The following FCSK variants were observed in gnomAD, a reference collection of about 807,000 sequenced individuals.
FCSK encodes L-fucose kinase.
In FCSK, 123 loss-of-function variants were observed where a neutral mutation model predicts 122.5. The ratio of observed to expected loss-of-function variants is 1.00; its 90% CI spans 0.87 to 1.17. FCSK has a LOEUF of 1.17. FCSK is among the 50% of genes most tolerant of loss of function. FCSK has a pLI of 0.00. For synonymous variants in FCSK, 620 were observed against 625.5 expected (o/e 0.99, Z 0.13); for missense variants, 1,366 against 1,450.4 (o/e 0.94, Z 0.95).
At chr16:70,458,833 T>C (rs8062414) in intron 1 of FCSK, among the ~76,000 whole-genome samples, 17,583 of 152,162 alleles carry the variant, frequency 0.12, 3,390 homozygotes, top group African/African-American at 0.4. Flanking sequence ...ACATACTGAG[T>C]GCTTTACATA....
At chr16:70,471,438 TC>T in intron 13 of FCSK, 86 bp downstream of exon 13, 2 of 1,358,850 alleles carry the variant, frequency 1.5e-6, no homozygotes, top group Non-Finnish European at 2.0e-6. Flanking sequence ...ACTGCGGGGT[TC>T]TCTGAGCACT....
At position 70,472,549 on chromosome 16, in the gene FCSK, G is replaced by T; in HGVS notation, c.1350G>T (p.Gly450=). ...VGRLDSWERQ[G]AGTYLNVPWS... ...TTCTTCCTCTCCCCCAGAGACAGGGGGCAGGCACATATCTCAACGTGCCCT... is the reference window on the plus strand; with the variant it reads ...TTCTTCCTCTCCCCCAGAGACAGGGTGCAGGCACATATCTCAACGTGCCCT... The change falls in exon 14 of 24, where the codon GGG becomes GGT. Residue 450 remains glycine (G), a synonymous_variant. Transcript: ENST00000288078. 1 of 1,612,790 alleles carries T rather than the reference G, an allele frequency of 6.2e-7. No individual in the cohort carries two copies. Among genetic ancestry groups the T allele is most frequent in the East Asian group, 2.2e-5 (1 of 44,812 alleles).
In FCSK at chr16:70,474,198, G is replaced by C; in HGVS notation, c.1847G>C (p.Cys616Ser). Residue 616 changes from cysteine (C) to serine (S), a missense_variant, in exon 16 of 24, where the codon TGC (cysteine) becomes TCC (serine). Coordinates refer to ENST00000288078, the MANE Select transcript of FCSK (RefSeq NM_145059.3). The stretch of plus-strand genomic sequence containing the variant: ...GCCTGTGTGGCGGACGTCCTGGGCT[G>C]CATGGCAGAGGGCCGTGGGGGCTTG... The part of the protein sequence containing the change: ...ALACVADVLG[C>S]MAEGRGGLRS... The C allele has an allele frequency of 6.3e-7, 1 of 1,578,518 alleles. No individual in the cohort carries two copies. The highest frequency in any genetic ancestry group is 1.3e-5 in the African/African-American group (1 of 74,288).
At chr16:70,468,160 G>A (rs1272854408) in intron 8 of FCSK, among the ~76,000 whole-genome samples, 194 bp downstream of exon 8, 4 of 152,180 alleles carry the variant, frequency 2.6e-5, no homozygotes, top group African/African-American at 7.2e-5. Context: ...GGTGGCTAAC[G>A]CCTGTAATCC....
chr16:70,457,029 AATAG>A (rs1057222023), intron 1 of FCSK, among the ~76,000 whole-genome samples: 4 of 151,952 alleles, frequency 2.6e-5, no homozygotes, highest in African/African-American at 7.3e-5. Flanking sequence ...TAAAAAAAAA[AATAG>A]ATTAAGTAAC....
At chr16:70,455,625 C>T (rs1197638318) in intron 1 of FCSK, among the ~76,000 whole-genome samples, 6 of 150,770 alleles carry the variant, frequency 4.0e-5, no homozygotes, top group Non-Finnish European at 7.4e-5. Context: ...GGCGAGGTGG[C>T]TCACGCCTGT....
intron 8 of FCSK, 30 bp from the exon 9 acceptor site, chr16:70,468,819 C>T (rs1371432297): frequency 6.2e-7 from 1 of 1,613,566 alleles, no homozygotes. Flanking sequence ...CAGGGCCCTC[C>T]ATCTCTGATC....
chr16:70,469,313 C>T lies in FCSK; in HGVS notation c.945C>T (p.Pro315=), dbSNP rs1255339703. The change falls in exon 10 of 24, where the codon CCC becomes CCT. Residue 315 remains proline, a synonymous_variant. Transcript: ENST00000288078. ...TGTGGAGGGAGCTTCGCGATCAGCC[C>T]CTTACCATGGGTGGGTACTGCCTCT... ...AQLWRELRDQ[P]LTMAYVSSGS... 3 of 1,598,350 alleles carry T rather than the reference C, an allele frequency of 1.9e-6. No individual in the cohort carries two copies. Among genetic ancestry groups the T allele is most frequent in the Non-Finnish European group, 2.6e-6 (3 of 1,173,904 alleles).
intron 4 of FCSK, 110 bp from the exon 5 acceptor site, chr16:70,466,022 G>A: frequency 8.9e-7 from 1 of 1,124,552 alleles, no homozygotes; most frequent in South Asian, 1.5e-5. Flanking sequence ...AAAATATCAA[G>A]AGAACATTTT....
chr16:70,475,843 G>C, intron 20 of FCSK, 76 bp downstream of exon 20: 2 of 1,402,788 alleles, frequency 1.4e-6, no homozygotes, highest in Non-Finnish European at 1.9e-6. Flanking sequence ...GGGCTCCCCT[G>C]GATTTGCATG....
Position 70,473,348 on chromosome 16 carries a change from A to G in FCSK, c.1772A>G (p.Asp591Gly). The change falls in exon 15 of 24, where the codon GAC (aspartate) becomes GGC (glycine). Residue 591 changes from aspartate (D) to glycine (G), a missense_variant. Asp to Gly is a moderately conservative substitution (Grantham distance 94). Transcript: ENST00000288078. This position sits in a 1 kb window ranked among gnomAD's most constrained non-coding sequence, Gnocchi z 4.9. ...GCPGPLLATL[D>G]QVAAGAGDPG... ...CCCGGGCCCCTGCTGGCCACGCTGG[A>G]CCAGGGTGAGTGTGCAGGCTGGTAG... The G allele has an allele frequency of 6.7e-7, 1 of 1,500,116 alleles. No homozygotes were observed. The highest frequency in any genetic ancestry group is 8.9e-7 in the Non-Finnish European group (1 of 1,120,148). The allele number at this position is 1,500,116 out of a possible 1,614,324, so 92.9% of individuals were successfully genotyped here.
At position 70,469,172 on chromosome 16, in the gene FCSK, T is replaced by A. The variant is rs78440411; in HGVS notation, c.804T>A (p.Ile268=). The A allele has an allele frequency of 4.4e-3, 7,096 of 1,614,096 alleles. 20 individuals are homozygous for A. The highest frequency in any genetic ancestry group is 6.8e-3 in the Middle Eastern group (41 of 6,062). The change falls in exon 10 of 24, where the codon ATT becomes ATA. Residue 268 remains isoleucine (I), a synonymous_variant. Transcript: ENST00000288078. ...RPVQLSLFFD[I]LHCMAENVTR... The stretch of plus-strand genomic sequence containing the variant: ...CCTAGCTGTCTCTGTTTTTTGACAT[T>A]CTCCACTGCATGGCTGAGAACGTGA...
intron 20 of FCSK, 107 bp downstream of exon 20, chr16:70,475,874 G>A (rs1291569861): frequency 1.7e-6 from 2 of 1,173,710 alleles, no homozygotes; most frequent in Admixed American, 3.1e-5. Flanking sequence ...ACAGCCACAA[G>A]ACTGTGCTGC....
chr16:70,468,917 C>T lies in FCSK; in HGVS notation c.732C>T (p.Pro244=), dbSNP rs2048518026. 3 of 1,614,010 alleles carry T rather than the reference C, an allele frequency of 1.9e-6. No homozygotes were observed. In the East Asian group the frequency reaches 6.7e-5, roughly 36 times the overall value. Residue 244 remains proline, a synonymous_variant, in exon 9 of 24, where the codon CCC becomes CCT. Transcript: ENST00000288078. ...TCCTAGCCACCCACGTGAGCCCGCC[C>T]CTGGATGCCTGCACCTACCTAGGCT... The part of the protein sequence containing the change: ...ERLLATHVSP[P]LDACTYLGLD...
At chr16:70,459,129 A>G (rs1050396540) in intron 1 of FCSK, among the ~76,000 whole-genome samples, 1 of 151,450 alleles carries the variant, frequency 6.6e-6, no homozygotes, top group Non-Finnish European at 1.5e-5. Context: ...AGGCTGAGGT[A>G]GCAGGATTGC....
intron 1 of FCSK, chr16:70,454,861 A>C (rs535249228): frequency 6.2e-4 from 95 of 152,246 alleles, no homozygotes; most frequent in African/African-American, 2.2e-3. Context: ...GAGCCCCGCG[A>C]CCCGGCTGGT....
rs536012448 is a variant in FCSK, at chr16:70,475,822, C to T, written c.2641+55C>T. On this transcript the variant is annotated intron_variant, in intron 20 of 23. Coordinates refer to ENST00000288078, the MANE Select transcript of FCSK (RefSeq NM_145059.3). Reference sequence around the variant, plus strand: ...TCACTGACACTTTCCCAAGGGCCCGCGGGGGGAGTGGGGCTCCCCTGGATT... The same window carrying T: ...TCACTGACACTTTCCCAAGGGCCCGTGGGGGGAGTGGGGCTCCCCTGGATT... The T allele has an allele frequency of 4.7e-5, 69 of 1,483,558 alleles. No homozygotes were observed. In the South Asian group the frequency reaches 6.5e-4, roughly 14 times the overall value. 91.9% of individuals were successfully genotyped at this position (1,483,558 alleles called of 1,614,324 possible). A position where few individuals can be genotyped will look rare whatever the true frequency, so the allele number is the denominator to read the frequency against.
chr16:70,471,036 G>A lies in FCSK; in HGVS notation c.1134G>A (p.Leu378=), dbSNP rs748167671. ...GCCTGCTGGAGGGCCCTGTCCAGCTGGGTCCTGGGAGCGTCCTGCAGCACT... is the reference window on the plus strand; with the variant it reads ...GCCTGCTGGAGGGCCCTGTCCAGCTAGGTCCTGGGAGCGTCCTGCAGCACT... ...VSCLLEGPVQ[L]GPGSVLQHCH... The change falls in exon 12 of 24, where the codon CTG becomes CTA. Residue 378 remains leucine, a synonymous_variant. Transcript: ENST00000288078. 9 of 1,603,294 alleles carry A rather than the reference G, an allele frequency of 5.6e-6. No individual in the cohort carries two copies. Among genetic ancestry groups the A allele is most frequent in the Admixed American group, 1.7e-5 (1 of 58,982 alleles).
Position 70,465,527 on chromosome 16 carries a change from G to A in FCSK, c.285+351G>A, listed in dbSNP as rs2048389936. 2.0e-5 allele frequency among the ~76,000 whole-genome samples: 3 copies of A among 152,170 alleles called. No individual in the cohort carries two copies. The East Asian group carries it at 5.8e-4, about 30-fold the overall frequency. On this transcript the variant is annotated intron_variant, in intron 4 of 23. Transcript: ENST00000288078. ...TACAAAAATTAGCCGCCATGGTGGT[G>A]CACACCTGTAGTCCCAGCTACTCAG...
Sources: allele counts gnomAD v4.1 joint callset (sites outside exome capture counted in the v4.1 genomes callset), GRCh38; gene constraint gnomAD v4.1.1; non-coding constraint Gnocchi (gnomAD v3.1); transcripts MANE v1.5; gene names NCBI Gene and HGNC (gene_info 2026-07-23, HGNC 2026-07-21).